Variants in NDST3 observed in about 807,000 individuals in gnomAD.
The protein encoded by NDST3 is N-deacetylase and N-sulfotransferase 3.
NDST3 carries 58 observed loss-of-function variants against 96.1 expected under a neutral mutation model. The ratio of observed to expected loss-of-function variants is 0.60; its 90% confidence interval spans 0.49 to 0.75. NDST3 has a LOEUF of 0.75. NDST3 is among the 30% of genes least tolerant of loss of function. NDST3 has a pLI of 0.00. For missense variants in NDST3, 788 were observed against 1,034.2 expected, an observed-to-expected ratio of 0.76 and a Z score of 3.27; for synonymous variants, 333 against 359.7, an observed-to-expected ratio of 0.93 and a Z score of 0.84.
At chr4:118,195,939 AG>A (rs756627384) in intron 6 of NDST3, among the ~76,000 whole-genome samples, 10 of 152,306 alleles carry the variant, frequency 6.6e-5, no homozygotes, top group Middle Eastern at 3.4e-3. Context: ...GGGAGAGGGA[AG>A]GTTTTCAGGT....
chr4:118,217,486 T>C (rs918165160), intron 6 of NDST3, among the ~76,000 whole-genome samples: 6 of 152,126 alleles, frequency 3.9e-5, no homozygotes, highest in Non-Finnish European at 5.9e-5. Context: ...GACGTGCTCA[T>C]GTGATGGAGT....
intron 6 of NDST3, among the ~76,000 whole-genome samples, chr4:118,205,260 G>C (rs1738359424): frequency 6.9e-6 from 1 of 143,908 alleles, no homozygotes; most frequent in African/African-American, 2.6e-5. Flanking sequence ...GAACAACAGA[G>C]AAATACACAA....
At chr4:118,199,685 T>C (rs1232287597) in intron 6 of NDST3, among the ~76,000 whole-genome samples, 2 of 152,188 alleles carry the variant, frequency 1.3e-5, no homozygotes, top group South Asian at 2.1e-4. Flanking sequence ...GTCTGGGCTC[T>C]TTATACCCAT....
At chr4:118,183,252 G>A (rs1410885857) in intron 6 of NDST3, among the ~76,000 whole-genome samples, 2 of 152,286 alleles carry the variant, frequency 1.3e-5, no homozygotes, top group East Asian at 3.9e-4. Flanking sequence ...AGGCTCTGGA[G>A]CAAGTCAAGT....
At chr4:118,098,874 T>A (rs1729554313) in intron 2 of NDST3, among the ~76,000 whole-genome samples, 1 of 152,092 alleles carries the variant, frequency 6.6e-6, no homozygotes. Context: ...CCAAAAGTGT[T>A]ACGGCTCAAT....
In NDST3 at chr4:118,049,733, A is replaced by T. The variant is rs1457871275; in HGVS notation, c.-155-4023A>T. On this transcript the variant is annotated intron_variant, in intron 1 of 13. Coordinates refer to ENST00000296499, the MANE Select transcript of NDST3 (RefSeq NM_004784.3). ...CTGAAACTGAATCAGTAATAATAAT[A>T]AAAAAAAAAAACCCTACCCACCAAA... Among the ~76,000 whole-genome samples the T allele has an allele frequency of 7.4e-5, 10 of 135,344 alleles. 1 individual carries two copies. The East Asian group carries it at 9.6e-4, about 13-fold the overall frequency. The allele number at this position is 135,344 out of a possible 152,430, so 88.8% of individuals were successfully genotyped here.
intron 4 of NDST3, among the ~76,000 whole-genome samples, chr4:118,116,327 C>T (rs1560654477): frequency 6.6e-6 from 1 of 152,098 alleles, no homozygotes; most frequent in Non-Finnish European, 1.5e-5. Flanking sequence ...TAAAGTAAAG[C>T]ACCAGTAAAA....
chr4:118,234,332 G>A (rs185717017), intron 9 of NDST3, among the ~76,000 whole-genome samples: 3 of 152,132 alleles, frequency 2.0e-5, no homozygotes, highest in East Asian at 3.9e-4. Flanking sequence ...AGGATAACCT[G>A]AGCCCATGGA....
At chr4:118,218,741 G>A (rs1007184157) in intron 6 of NDST3, among the ~76,000 whole-genome samples, 3 of 152,052 alleles carry the variant, frequency 2.0e-5, no homozygotes, top group African/African-American at 7.2e-5. Flanking sequence ...AGGAAGAGAG[G>A]AAGTCAAATT....
At position 118,187,722 on chromosome 4, in the gene NDST3, T is replaced by A. The variant is rs565853714; in HGVS notation, c.1540-36769T>A. The stretch of plus-strand genomic sequence containing the variant: ...ATAACAGCAGACAATTCTTGATCCA[T>A]GATCTTGGGAAAAAGCCATCCACAT... On this transcript the variant is annotated intron_variant, in intron 6 of 13. Coordinates refer to ENST00000296499, the MANE Select transcript of NDST3 (RefSeq NM_004784.3). Among the ~76,000 whole-genome samples, 339 of 152,328 alleles carry A rather than the reference T, an allele frequency of 2.2e-3. 1 individual carries two copies. The highest frequency in any genetic ancestry group is 7.7e-3 in the African/African-American group (319 of 41,578).
At chr4:118,166,994 C>G (rs981870111) in intron 6 of NDST3, among the ~76,000 whole-genome samples, 6 of 151,704 alleles carry the variant, frequency 4.0e-5, no homozygotes, top group Non-Finnish European at 8.9e-5. Flanking sequence ...GCAAGGACTC[C>G]CACTGTGATC....
In NDST3 at chr4:118,254,383, A is replaced by G. The variant is rs182427545; in HGVS notation, c.2502+782A>G. Among the ~76,000 whole-genome samples the G allele has an allele frequency of 2.0e-5, 3 of 152,316 alleles. No homozygotes were observed. The East Asian group carries it at 5.8e-4, about 29-fold the overall frequency. On this transcript the variant is annotated intron_variant, in intron 13 of 13. Coordinates refer to ENST00000296499, the MANE Select transcript of NDST3 (RefSeq NM_004784.3). ...TGTTAATATGCTAATAAAATGAAAG[A>G]AGCAATGTATTTCCCAACATCTAAC...
At chr4:118,081,823 C>T (rs1728047097) in intron 2 of NDST3, among the ~76,000 whole-genome samples, 1 of 152,058 alleles carries the variant, frequency 6.6e-6, no homozygotes, top group South Asian at 2.1e-4. Context: ...AAAAAAGTTG[C>T]ATAAAGTTAA....
At chr4:118,139,155 G>A (rs1733363887) in intron 5 of NDST3, among the ~76,000 whole-genome samples, 2 of 152,158 alleles carry the variant, frequency 1.3e-5, no homozygotes, top group Non-Finnish European at 2.9e-5. Context: ...AATAAAAACT[G>A]TTGTAAATGC....
intron 6 of NDST3, among the ~76,000 whole-genome samples, chr4:118,192,283 A>G (rs1195007217): frequency 4.6e-5 from 7 of 152,038 alleles, no homozygotes; most frequent in Admixed American, 3.9e-4. Context: ...GAAGCTTTTT[A>G]GCTTAATGTG....
At chr4:118,043,624 C>T (rs914547038) in intron 1 of NDST3, among the ~76,000 whole-genome samples, 1 of 152,192 alleles carries the variant, frequency 6.6e-6, no homozygotes, top group African/African-American at 2.4e-5. Flanking sequence ...CAGGTGAAGT[C>T]TGTAACTTTG....
At chr4:118,186,750 A>G (rs1736989230) in intron 6 of NDST3, among the ~76,000 whole-genome samples, 1 of 152,184 alleles carries the variant, frequency 6.6e-6, no homozygotes, top group Non-Finnish European at 1.5e-5. Flanking sequence ...TAACCATCAC[A>G]TTCTCACTTA....
intron 3 of NDST3, among the ~76,000 whole-genome samples, chr4:118,109,476 A>C (rs1450699962): frequency 6.6e-6 from 1 of 152,140 alleles, no homozygotes; most frequent in Non-Finnish European, 1.5e-5. Context: ...TCATCTCTGC[A>C]AGGTTTGTCC....
At chr4:118,168,119 A>T (rs1735679682) in intron 6 of NDST3, among the ~76,000 whole-genome samples, 1 of 152,012 alleles carries the variant, frequency 6.6e-6, no homozygotes, top group African/African-American at 2.4e-5. Flanking sequence ...TAACCAACTG[A>T]GGGAAAATGC....
Sources: gnomAD v4.1 joint callset for allele counts (sites outside exome capture counted in the v4.1 genomes callset) on GRCh38, gnomAD v4.1.1 for gene constraint, MANE v1.5 for transcripts, NCBI Gene and HGNC (gene_info 2026-07-23, HGNC 2026-07-21) for gene names.